The following SPON1 variants were observed in gnomAD, a reference collection of about 807,000 sequenced individuals.
SPON1 encodes the protein spondin-1.
A neutral mutation model predicts 111.7 loss-of-function variants in SPON1; 52 were observed. That is an observed-to-expected ratio of 0.47 (90% confidence interval 0.37 to 0.59). The LOEUF (loss-of-function observed/expected upper bound fraction) is 0.59, where lower values mean the gene tolerates loss of function less well. Ranked by LOEUF, SPON1 falls within the 20% of genes least tolerant of loss-of-function variation. The probability of loss-of-function intolerance (pLI) is 0.00; values close to 1 mark genes in which losing one functional copy is unlikely to be tolerated. For missense variants in SPON1, 957 were observed against 1,068.5 expected, an observed-to-expected ratio of 0.90 and a Z score of 1.46; for synonymous variants, 410 against 395.8, an observed-to-expected ratio of 1.04 and a Z score of -0.43.
chr11:14,107,512 T>C (rs1554925040), intron 5 of SPON1, among the ~76,000 whole-genome samples: 1 of 150,034 alleles, frequency 6.7e-6, no homozygotes, highest in African/African-American at 2.5e-5. Context: ...CATTCAGACC[T>C]GAGTGGCCAC....
intron 6 of SPON1, among the ~76,000 whole-genome samples, chr11:14,231,986 T>C (rs1007296831): frequency 7.9e-5 from 12 of 151,938 alleles, no homozygotes; most frequent in Non-Finnish European, 1.5e-4. Flanking sequence ...TGTGTGTGTG[T>C]GTGTTTGTCT....
Position 14,181,478 on chromosome 11 carries a change from CAAGTT to C in SPON1, c.825+45915_825+45919del, listed in dbSNP as rs1245505874. Among the ~76,000 whole-genome samples the C allele has an allele frequency of 7.9e-5, 12 of 152,282 alleles. No homozygotes were observed. In the East Asian group the frequency reaches 1.2e-3, roughly 15 times the overall value. ...TTTCTCTCCTACAAAAGTTTTATGA[CAAGTT>C]AAGTAGAAAGCTTAGCAATGAATAA... is the stretch of plus-strand genomic sequence containing the variant. On this transcript the variant is annotated intron_variant, in intron 6 of 15. Coordinates refer to ENST00000576479, the MANE Select transcript of SPON1 (RefSeq NM_006108.4).
At chr11:14,217,726 A>G (rs1439470201) in intron 6 of SPON1, among the ~76,000 whole-genome samples, 1 of 152,090 alleles carries the variant, frequency 6.6e-6, no homozygotes, top group Non-Finnish European at 1.5e-5. Context: ...AAATATTGAG[A>G]TCTCTGAGTC....
At chr11:14,123,336 C>A (rs1241388466) in intron 5 of SPON1, among the ~76,000 whole-genome samples, 2 of 152,118 alleles carry the variant, frequency 1.3e-5, no homozygotes, top group Non-Finnish European at 1.5e-5. Context: ...GGTTAATTTA[C>A]TGATGGATCT....
chr11:14,090,875 T>A (rs1416666219), intron 5 of SPON1, among the ~76,000 whole-genome samples: 3 of 122,114 alleles, frequency 2.5e-5, no homozygotes, highest in Non-Finnish European at 4.8e-5. Flanking sequence ...TAGAGCCCAG[T>A]AGCCTGTTTT....
At chr11:14,210,579 T>C (rs571288723) in intron 6 of SPON1, among the ~76,000 whole-genome samples, 54 of 152,106 alleles carry the variant, frequency 3.6e-4, no homozygotes, top group African/African-American at 1.3e-3. Flanking sequence ...TTTATAGTTT[T>C]AGTAGAGATG....
intron 6 of SPON1, among the ~76,000 whole-genome samples, chr11:14,152,784 A>C (rs1169212128): frequency 6.6e-6 from 1 of 152,224 alleles, no homozygotes; most frequent in Non-Finnish European, 1.5e-5. Context: ...CAATGCAAAT[A>C]TAAAGGATGT....
intron 2 of SPON1, among the ~76,000 whole-genome samples, chr11:14,031,419 C>T (rs1554916042): frequency 6.6e-6 from 1 of 152,138 alleles, no homozygotes; most frequent in African/African-American, 2.4e-5. Context: ...TAAATCTTTA[C>T]AGTTTAGAAG....
In SPON1 at chr11:14,124,622, A is replaced by G. The variant is rs144892168; in HGVS notation, c.677-10798A>G. ...AAACTTTTTGTATGAAGGGCCAAAC[A>G]GTAAATATTTTAGAGATTGTAGGCC... On this transcript the variant is annotated intron_variant, in intron 5 of 15. Coordinates refer to ENST00000576479, the MANE Select transcript of SPON1 (RefSeq NM_006108.4). Among the ~76,000 whole-genome samples, 49 of 152,346 alleles carry G rather than the reference A, an allele frequency of 3.2e-4. 1 individual carries two copies. The highest frequency in any genetic ancestry group is 1.1e-3 in the African/African-American group (46 of 41,578).
chr11:14,097,151 T>G (rs1316021747), intron 5 of SPON1, among the ~76,000 whole-genome samples: 2 of 152,160 alleles, frequency 1.3e-5, no homozygotes, highest in African/African-American at 4.8e-5. Context: ...TTCCCAAATC[T>G]TCTCTCTTTG....
At chr11:14,065,600 T>C (rs1016337383) in intron 3 of SPON1, among the ~76,000 whole-genome samples, 5 of 152,196 alleles carry the variant, frequency 3.3e-5, no homozygotes, top group African/African-American at 1.2e-4. Flanking sequence ...GGAATAAAAA[T>C]TTGACCTTAA....
At chr11:14,187,252 A>G (rs1459963059) in intron 6 of SPON1, among the ~76,000 whole-genome samples, 1 of 152,104 alleles carries the variant, frequency 6.6e-6, no homozygotes, top group East Asian at 1.9e-4. Flanking sequence ...CACCTGCATG[A>G]CCCAAACACC....
At chr11:13,981,568 C>T (rs1283100535) in intron 1 of SPON1, among the ~76,000 whole-genome samples, 2 of 152,158 alleles carry the variant, frequency 1.3e-5, no homozygotes, top group East Asian at 1.9e-4. Context: ...CCTTGTGATC[C>T]GCCCACCTCG....
chr11:14,039,725 T>C (rs2133812802), intron 2 of SPON1, among the ~76,000 whole-genome samples: 1 of 152,292 alleles, frequency 6.6e-6, no homozygotes, highest in Non-Finnish European at 1.5e-5. Flanking sequence ...GATAAGTTGA[T>C]GAATTTGACT....
intron 6 of SPON1, among the ~76,000 whole-genome samples, chr11:14,203,831 T>C (rs1481943303): frequency 1.3e-5 from 2 of 152,184 alleles, no homozygotes; most frequent in African/African-American, 4.8e-5. Context: ...GGATTGAGCA[T>C]GCAGCATCAA....
At chr11:14,174,305 T>C (rs1423883941) in intron 6 of SPON1, among the ~76,000 whole-genome samples, 1 of 152,212 alleles carries the variant, frequency 6.6e-6, no homozygotes, top group Non-Finnish European at 1.5e-5. Flanking sequence ...TTCCTTGTCT[T>C]CCAGGTGGCC....
rs1312674268 is a variant in SPON1 at position 14,135,177 on chromosome 11, G to A, written c.677-243G>A. On this transcript the variant is annotated intron_variant, in intron 5 of 15. Transcript: ENST00000576479. The surrounding 1 kb of genome is among the most constrained non-coding windows in gnomAD (Gnocchi z 4.4). ...TCTCTGAGACCTTCCTAGACAGAAC[G>A]CATCTCTGGGCTGCCTCTGCGTCTT... 3 of 397,974 alleles carry A rather than the reference G, an allele frequency of 7.5e-6. No individual in the cohort carries two copies. The highest frequency in any genetic ancestry group is 6.4e-5 in the South Asian group (1 of 15,606). The allele number at this position is 397,974 out of a possible 1,614,324, so 24.7% of individuals were successfully genotyped here.
At chr11:14,092,776 T>G (rs1309778584) in intron 5 of SPON1, among the ~76,000 whole-genome samples, 1 of 152,156 alleles carries the variant, frequency 6.6e-6, no homozygotes, top group Non-Finnish European at 1.5e-5. Context: ...AGAAACGCAT[T>G]TTAACTTATC....
At chr11:14,139,007 C>A (rs1847621785) in intron 6 of SPON1, among the ~76,000 whole-genome samples, 1 of 152,136 alleles carries the variant, frequency 6.6e-6, no homozygotes, top group South Asian at 2.1e-4. Context: ...GCCCCAGGGC[C>A]ATCTTTATAA....
Sources: allele counts gnomAD v4.1 joint callset (sites outside exome capture counted in the v4.1 genomes callset), GRCh38; gene constraint gnomAD v4.1.1; non-coding constraint Gnocchi (gnomAD v3.1); transcripts MANE v1.5; gene names NCBI Gene and HGNC (gene_info 2026-07-23, HGNC 2026-07-21).